POLRMT: variants seen among roughly 807,000 people sequenced by gnomAD.
POLRMT encodes DNA-directed RNA polymerase, mitochondrial.
POLRMT carries 114 observed loss-of-function variants against 132.2 expected under a neutral mutation model. The ratio of observed to expected loss-of-function variants is 0.86; its 90% confidence interval spans 0.74 to 1.01. The LOEUF (loss-of-function observed/expected upper bound fraction) is 1.01. Ranked by LOEUF, POLRMT falls within the 50% of genes least tolerant of loss-of-function variation. The probability of loss-of-function intolerance (pLI) is 0.00; values close to 1 mark genes in which losing one functional copy is unlikely to be tolerated. For synonymous variants in POLRMT, 1,020 were observed against 773.4 expected, an observed-to-expected ratio of 1.32 and a Z score of -5.29; for missense variants, 2,003 against 1,729.1, an observed-to-expected ratio of 1.16 and a Z score of -2.81.
intron 3 of POLRMT, among the ~76,000 whole-genome samples, chr19:626,974 G>A (rs1047078241): frequency 7.9e-5 from 12 of 150,946 alleles, no homozygotes; most frequent in African/African-American, 2.2e-4. Flanking sequence ...TCCCTGTTCT[G>A]AGCAATTTCT....
rs150838232 is a variant in POLRMT, at chr19:629,918, G to C, written c.444C>G (p.Phe148Leu). The C allele has an allele frequency of 9.3e-6, 15 of 1,613,496 alleles. No homozygotes were observed. The African/African-American group carries it at 1.9e-4, about 20-fold the overall frequency. Residue 148 changes from phenylalanine (F) to leucine (L), a missense_variant, in exon 3 of 21, where the codon TTC (phenylalanine) becomes TTG (leucine). Transcript: ENST00000588649. ...QRLKAKLQMP[F>L]QSGEFKALTR... ...TCAGCGCCTTGAACTCCCCGCTCTG[G>C]AATGGCATCTGCAGCTTCGCCTTCA...
chr19:620,737 A>G (rs1600564868), intron 10 of POLRMT, among the ~76,000 whole-genome samples: 1 of 108,740 alleles, frequency 9.2e-6, no homozygotes, highest in East Asian at 2.8e-4. Flanking sequence ...GAGGGTGGAC[A>G]GAGGACCTGG....
intron 3 of POLRMT, among the ~76,000 whole-genome samples, chr19:625,853 C>T (rs1016862518): frequency 1.3e-5 from 2 of 152,058 alleles, no homozygotes; most frequent in African/African-American, 2.4e-5. Flanking sequence ...CAGGCACACG[C>T]CACCACACCA....
intron 3 of POLRMT, 38 bp downstream of exon 3, chr19:629,502 C>T (rs757308545): frequency 1.3e-5 from 19 of 1,465,310 alleles, no homozygotes; most frequent in Admixed American, 2.6e-5. Context: ...CTGTCTCCAA[C>T]GACCAGGGCA....
chr19:623,573 G>C lies in POLRMT; in HGVS notation c.1171C>G (p.Leu391Val), dbSNP rs1984800829. 12 of 1,613,742 alleles carry C rather than the reference G, an allele frequency of 7.4e-6. No homozygotes were observed. The highest frequency in any genetic ancestry group is 1.0e-5 in the Non-Finnish European group (12 of 1,179,996). ...DGRVSYPKLHLPLKTLQCLFE... is the reference protein window; with the variant it reads ...DGRVSYPKLHVPLKTLQCLFE... ...AGGCACTGCAGGGTCTTCAAGGGCA[G>C]GTGCAGCTTCGGGTAGGACACACGC... The change falls in exon 6 of 21, where the codon CTG (leucine) becomes GTG (valine). Residue 391 changes from leucine (L) to valine (V), a missense_variant. Physicochemically the swap from Leu to Val is conservative, Grantham distance 32. Transcript: ENST00000588649.
In POLRMT at chr19:630,231, C is replaced by T. The variant is rs1600593974; in HGVS notation, c.194-63G>A. 1.1e-5 allele frequency: 16 copies of T among 1,513,064 alleles called. No homozygotes were observed. The East Asian group carries it at 3.4e-4, about 32-fold the overall frequency. 93.7% of individuals were successfully genotyped at this position (1,513,064 alleles called of 1,614,324 possible). A position where few individuals can be genotyped will look rare whatever the true frequency, so the allele number is the denominator to read the frequency against. ...CCTCCCCATTCGAGCACCCGTCTCT[C>T]TGGACCCTGAGCCAGGCCAGGAGGT... is the stretch of plus-strand genomic sequence containing the variant. On this transcript the variant is annotated intron_variant, in intron 2 of 20. Transcript: ENST00000588649.
At chr19:630,305 G>A (rs1252731242) in intron 2 of POLRMT, 137 bp from the exon 3 acceptor site, 3 of 1,041,082 alleles carry the variant, frequency 2.9e-6, no homozygotes, top group African/African-American at 3.2e-5. Context: ...CCTCATACTT[G>A]CCAACAACGT....
chr19:619,285 C>A lies in POLRMT; in HGVS notation c.3078G>T (p.Trp1026Cys). The A allele has an allele frequency of 6.2e-7, 1 of 1,608,518 alleles. No individual in the cohort carries two copies. Among genetic ancestry groups the A allele is most frequent in the Non-Finnish European group, 8.5e-7 (1 of 1,179,266 alleles). Residue 1026 changes from tryptophan to cysteine, a missense_variant, in exon 14 of 21, where the codon TGG becomes TGT. Transcript: ENST00000588649. ...GGCGTACGAGATAGTGAGAGGCCTC[C>A]CACACGAACTCCTGCAGAGGGCGGG... is the stretch of plus-strand genomic sequence containing the variant. ...ELSDFPQEFV[W>C]EASHYLVRQV...
chr19:629,804 G>A lies in POLRMT; in HGVS notation c.558C>T (p.Pro186=). 6.3e-7 allele frequency: 1 copy of A among 1,584,144 alleles called. No individual in the cohort carries two copies. The highest frequency in any genetic ancestry group is 1.1e-5 in the South Asian group (1 of 87,664). The change falls in exon 3 of 21, where the codon CCC becomes CCT. Residue 186 remains proline, a synonymous_variant. Coordinates refer to ENST00000588649, the MANE Select transcript of POLRMT (RefSeq NM_005035.4). The part of the protein sequence containing the change: ...EDCTRQAPES[P]WEEQLARLLQ... ...GCAGCCGGGCCAGCTGCTCCTCCCAGGGGCTCTCGGGGGCCTGGCGCGTGC... is the reference window on the plus strand; with the variant it reads ...GCAGCCGGGCCAGCTGCTCCTCCCAAGGGCTCTCGGGGGCCTGGCGCGTGC...
chr19:622,767 C>G lies in POLRMT; in HGVS notation c.1456-15G>C, dbSNP rs1555676020. 1.3e-6 allele frequency: 2 copies of G among 1,574,372 alleles called. No homozygotes were observed. The highest frequency in any genetic ancestry group is 1.7e-6 in the Non-Finnish European group (2 of 1,162,212). ...GCCTGCAGGACCTGCGGAAGGCAGC[C>G]GTGAGTGCCTGCCCGCCCCGCCCGG... On this transcript the variant is annotated splice_polypyrimidine_tract_variant and intron_variant, in intron 7 of 20. Coordinates refer to ENST00000588649, the MANE Select transcript of POLRMT (RefSeq NM_005035.4).
intron 2 of POLRMT, 28 bp downstream of exon 2, chr19:632,806 C>T (rs929210687): frequency 2.0e-6 from 3 of 1,523,824 alleles, no homozygotes; most frequent in African/African-American, 2.8e-5. Flanking sequence ...ACTCTCCTCT[C>T]CCGGGCCGCC....
intron 5 of POLRMT, 64 bp downstream of exon 5, chr19:624,655 G>C: frequency 3.9e-6 from 6 of 1,548,752 alleles, no homozygotes; most frequent in East Asian, 2.3e-5. Context: ...CTGAGCTGAG[G>C]CTCCAGGAAC....
At position 622,180 on chromosome 19, in the gene POLRMT, T is replaced by G. The variant is rs1181296708; in HGVS notation, c.1820A>C (p.Tyr607Ser). The G allele has an allele frequency of 2.5e-6, 4 of 1,571,668 alleles. No individual in the cohort carries two copies. The highest frequency in any genetic ancestry group is 3.4e-6 in the Non-Finnish European group (4 of 1,162,724). The part of the protein sequence containing the change: ...HRSSRLVPVL[Y>S]HVYSFRNVQQ... ...GACGTTGCGGAAGGAATACACGTGG[T>G]AGAGCACGGGGACAAGCCGAGAGGA... is the stretch of plus-strand genomic sequence containing the variant. Residue 607 changes from tyrosine (Y) to serine (S), a missense_variant, in exon 9 of 21, where the codon TAC (tyrosine) becomes TCC (serine). By Grantham distance (144) the Tyr-to-Ser change is moderately radical. Coordinates refer to ENST00000588649, the MANE Select transcript of POLRMT (RefSeq NM_005035.4).
At chr19:626,012 G>A (rs1355006313) in intron 3 of POLRMT, among the ~76,000 whole-genome samples, 4 of 151,454 alleles carry the variant, frequency 2.6e-5, no homozygotes, top group South Asian at 2.1e-4. Context: ...TCACCTTTCC[G>A]AATATAGGCA....
chr19:629,816 G>C lies in POLRMT; in HGVS notation c.546C>G (p.Ala182=), dbSNP rs1483855338. The C allele has an allele frequency of 6.3e-7, 1 of 1,592,434 alleles. No individual in the cohort carries two copies. Among genetic ancestry groups the C allele is most frequent in the Admixed American group, 1.7e-5 (1 of 57,680 alleles). ...AGCLEDCTRQ[A]PESPWEEQLA... ...GCTGCTCCTCCCAGGGGCTCTCGGG[G>C]GCCTGGCGCGTGCAGTCCTCCAGGC... The change falls in exon 3 of 21, where the codon GCC becomes GCG. Residue 182 remains alanine (A), a synonymous_variant. Transcript: ENST00000588649.
In POLRMT at chr19:629,873, C is replaced by A. The variant is rs1175122215; in HGVS notation, c.489G>T (p.Glu163Asp). Reference protein sequence around the residue: ...FKALTRRLQVEPRLLSKQMAG... With the variant: ...FKALTRRLQVDPRLLSKQMAG... Reference sequence around the variant, plus strand: ...CCATCTGCTTGCTCAGGAGCCGGGGCTCCACCTGCAGGCGCCTGGTCAGCG... The same window carrying A: ...CCATCTGCTTGCTCAGGAGCCGGGGATCCACCTGCAGGCGCCTGGTCAGCG... Residue 163 changes from glutamate (E) to aspartate (D), a missense_variant, in exon 3 of 21, where the codon GAG (glutamate) becomes GAT (aspartate). Transcript: ENST00000588649. 1 of 1,610,574 alleles carries A rather than the reference C, an allele frequency of 6.2e-7. No individual in the cohort carries two copies. Among genetic ancestry groups the A allele is most frequent in the East Asian group, 2.2e-5 (1 of 44,858 alleles).
intron 3 of POLRMT, among the ~76,000 whole-genome samples, chr19:628,089 A>G (rs1236835188): frequency 3.3e-5 from 5 of 152,214 alleles, no homozygotes; most frequent in Admixed American, 1.3e-4. Flanking sequence ...AGCGACATCC[A>G]GGACTGCTGG....
rs770403897 is a variant in POLRMT at position 620,362 on chromosome 19, C to G, written c.2763+3G>C. On this transcript the variant is annotated splice_donor_region_variant and intron_variant, in intron 11 of 20. Transcript: ENST00000588649. ...CCTCGGGGGCCAGACCCAGCTGGCTCACCTGATGGACGGGGAGGTGGGAGA... is the reference window on the plus strand; with the variant it reads ...CCTCGGGGGCCAGACCCAGCTGGCTGACCTGATGGACGGGGAGGTGGGAGA... 2 of 1,571,398 alleles carry G rather than the reference C, an allele frequency of 1.3e-6. No individual in the cohort carries two copies. The highest frequency in any genetic ancestry group is 2.7e-5 in the African/African-American group (2 of 74,056).
Position 620,502 on chromosome 19 carries a change from G to A in POLRMT, c.2641-15C>T, listed in dbSNP as rs1478208368. 4.5e-6 allele frequency: 7 copies of A among 1,560,738 alleles called. No individual in the cohort carries two copies. In the East Asian group the frequency reaches 6.9e-5, roughly 15 times the overall value. ...CACTTTCGGCCCTGCGGGGACAGCG[G>A]ATGGGGGGCAGTGAGGCCCGGGCCC... On this transcript the variant is annotated splice_polypyrimidine_tract_variant and intron_variant, in intron 10 of 20. Transcript: ENST00000588649.
Sources: gnomAD v4.1 joint callset for allele counts (sites outside exome capture counted in the v4.1 genomes callset) on GRCh38, gnomAD v4.1.1 for gene constraint, MANE v1.5 for transcripts, NCBI Gene and HGNC (gene_info 2026-07-23, HGNC 2026-07-21) for gene names.